TXLNB: variants seen among roughly 807,000 people sequenced by gnomAD.
The protein encoded by TXLNB is taxilin beta.
TXLNB carries 37 observed loss-of-function variants against 57.4 expected under a neutral mutation model. The observed-to-expected ratio is 0.64, with a 90% confidence interval of 0.50 to 0.85. TXLNB has a LOEUF of 0.85. TXLNB is among the 40% of genes least tolerant of loss of function. TXLNB has a pLI of 0.00. For missense variants in TXLNB, 848 were observed against 825.6 expected, an observed-to-expected ratio of 1.03 and a Z score of -0.33; for synonymous variants, 302 against 309.6, an observed-to-expected ratio of 0.98 and a Z score of 0.26.
the TXLNB span, among the ~76,000 whole-genome samples, chr6:139,198,929 T>G: frequency 8.5e-5 from 13 of 152,142 alleles, no homozygotes; most frequent in African/African-American, 3.1e-4. Flanking sequence ...TAAACTTTGT[T>G]TCAGCTAAAC....
intron 4 of TXLNB, among the ~76,000 whole-genome samples, chr6:139,265,470 C>T (rs1397618169): frequency 6.6e-6 from 1 of 151,900 alleles, no homozygotes; most frequent in East Asian, 1.9e-4. Context: ...GTGCGTTTGA[C>T]TCATTAAAGA....
At chr6:139,228,602 C>A in the TXLNB span, among the ~76,000 whole-genome samples, 2 of 151,034 alleles carry the variant, frequency 1.3e-5, no homozygotes, top group East Asian at 3.9e-4. Flanking sequence ...AATATGGTTA[C>A]CAGGATTAAG....
intron 6 of TXLNB, among the ~76,000 whole-genome samples, chr6:139,257,239 C>G (rs1776367774): frequency 6.6e-6 from 1 of 152,034 alleles, no homozygotes; most frequent in African/African-American, 2.4e-5. Context: ...CCTAAAAATA[C>G]TTATGAAGCA....
intron 4 of TXLNB, among the ~76,000 whole-genome samples, chr6:139,269,597 A>G (rs574549718): frequency 1.1e-4 from 16 of 152,170 alleles, no homozygotes; most frequent in African/African-American, 3.9e-4. Flanking sequence ...TTTCTTCCTA[A>G]CTCAATTGTA....
chr6:139,270,619 T>G lies in TXLNB; in HGVS notation c.524A>C (p.Glu175Ala). Residue 175 changes from glutamate to alanine, a missense_variant, in exon 4 of 10, where the codon GAA (glutamate) becomes GCA (alanine). Coordinates refer to ENST00000358430, the MANE Select transcript of TXLNB (RefSeq NM_153235.4). The part of the protein sequence containing the change: ...LFKKYAELLD[E>A]HRTEQKKLKL... ...TAACTTCTTTTGCTCAGTACGATGTTCATCCAGCTGTACACATGGAGATAC... is the reference window on the plus strand; with the variant it reads ...TAACTTCTTTTGCTCAGTACGATGTGCATCCAGCTGTACACATGGAGATAC... 3.1e-6 allele frequency: 5 copies of G among 1,613,996 alleles called. No individual in the cohort carries two copies. Among genetic ancestry groups the G allele is most frequent in the Non-Finnish European group, 4.2e-6 (5 of 1,179,938 alleles).
At chr6:139,281,205 T>G (rs1777039737) in intron 2 of TXLNB, among the ~76,000 whole-genome samples, 1 of 152,190 alleles carries the variant, frequency 6.6e-6, no homozygotes, top group South Asian at 2.1e-4. Flanking sequence ...TAAAATAGCT[T>G]TCACCATTTT....
downstream of TXLNB, chr6:139,237,521 A>G (rs941747734): frequency 1.3e-5 from 2 of 151,946 alleles, no homozygotes; most frequent in African/African-American, 4.8e-5. Flanking sequence ...AAAAAAAAAA[A>G]AAAAAGAAAA....
chr6:139,298,667 AC>A, the TXLNB span, among the ~76,000 whole-genome samples: 1 of 152,160 alleles, frequency 6.6e-6, no homozygotes, highest in Admixed American at 6.5e-5. Context: ...CACTGTTGCA[AC>A]CCCTGCATGC....
At chr6:139,287,411 G>A (rs1183399230) in intron 2 of TXLNB, 3 of 152,324 alleles carry the variant, frequency 2.0e-5, no homozygotes, top group African/African-American at 7.2e-5. Flanking sequence ...TCCAGTTTGT[G>A]ATATATTTGG....
chr6:139,222,378 C>T, the TXLNB span, among the ~76,000 whole-genome samples: 4 of 152,044 alleles, frequency 2.6e-5, no homozygotes, highest in African/African-American at 9.7e-5. Context: ...GATTTTAAGG[C>T]AATAAGCAAT....
the TXLNB span, among the ~76,000 whole-genome samples, chr6:139,182,310 T>C: frequency 6.6e-6 from 1 of 152,210 alleles, no homozygotes; most frequent in East Asian, 1.9e-4. Context: ...ACTTGGGATA[T>C]GATTTCTACC....
At chr6:139,203,499 C>T in the TXLNB span, 1 of 152,214 alleles carries the variant, frequency 6.6e-6, no homozygotes, top group African/African-American at 2.4e-5. Flanking sequence ...ATAAAGCTGC[C>T]TACTCCCTTT....
rs746971725 is a variant in TXLNB at position 139,242,712 on chromosome 6, T to C, written c.1869A>G (p.Leu623=). 1.2e-6 allele frequency: 2 copies of C among 1,612,350 alleles called. No homozygotes were observed. Among genetic ancestry groups the C allele is most frequent in the South Asian group, 2.2e-5 (2 of 91,028 alleles). ...CAGGCACATCTGCCTCCATCTTCTGTAGGGAGGCCTCGGTGGGAGCCTGTG... is the reference window on the plus strand; with the variant it reads ...CAGGCACATCTGCCTCCATCTTCTGCAGGGAGGCCTCGGTGGGAGCCTGTG... The part of the protein sequence containing the change: ...QAPQAPTEAS[L]QKMEADVPAP... The change falls in exon 10 of 10, where the codon CTA becomes CTG. Residue 623 remains leucine, a synonymous_variant. Coordinates refer to ENST00000358430, the MANE Select transcript of TXLNB (RefSeq NM_153235.4).
At chr6:139,261,901 CTTTTTTTTTTT>C (rs759412856) in intron 5 of TXLNB, among the ~76,000 whole-genome samples, 2 of 117,880 alleles carry the variant, frequency 1.7e-5, no homozygotes, top group Admixed American at 9.0e-5. Context: ...AATACAGACT[CTTTTTTTTTTT>C]TTTTTTTTTG....
downstream of TXLNB, among the ~76,000 whole-genome samples, chr6:139,238,183 C>T (rs1253098473): frequency 6.6e-6 from 1 of 152,106 alleles, no homozygotes; most frequent in Non-Finnish European, 1.5e-5. Flanking sequence ...TACTTGAGGT[C>T]AGGAGTTTGA....
chr6:139,321,966 AT>A, the TXLNB span, among the ~76,000 whole-genome samples: 4,730 of 139,458 alleles, frequency 0.034, 233 homozygotes, highest in African/African-American at 0.11. Flanking sequence ...AGATTCATTA[AT>A]TTTTTTTTTT....
chr6:139,236,926 A>C (rs184867719), downstream of TXLNB, among the ~76,000 whole-genome samples: 1 of 152,256 alleles, frequency 6.6e-6, no homozygotes, highest in East Asian at 1.9e-4. Context: ...TTATTATTCT[A>C]AAAGAAACAC....
intron 5 of TXLNB, among the ~76,000 whole-genome samples, chr6:139,261,524 T>C (rs1192098199): frequency 6.6e-6 from 1 of 152,204 alleles, no homozygotes. Flanking sequence ...GAAAGGAATA[T>C]GATGTGTCAA....
the TXLNB span, among the ~76,000 whole-genome samples, chr6:139,164,875 G>A: frequency 6.7e-6 from 1 of 150,040 alleles, no homozygotes; most frequent in Admixed American, 6.7e-5. Flanking sequence ...TGCACTATGA[G>A]ACTCTCAGTC....
Sources: allele counts gnomAD v4.1 joint callset (sites outside exome capture counted in the v4.1 genomes callset), GRCh38; gene constraint gnomAD v4.1.1; transcripts MANE v1.5; gene names NCBI Gene and HGNC (gene_info 2026-07-23, HGNC 2026-07-21).